Variants in SESTD1 observed in about 807,000 individuals in gnomAD.
SESTD1 encodes the protein SEC14 domain and spectrin repeat-containing protein 1.
A neutral mutation model predicts 101.7 loss-of-function variants in SESTD1; 43 were observed. The observed-to-expected ratio is 0.42, with a 90% CI of 0.33 to 0.55. The LOEUF (loss-of-function observed/expected upper bound fraction) is 0.55, where lower values mean the gene tolerates loss of function less well. Ranked by LOEUF, SESTD1 falls within the 20% of genes least tolerant of loss-of-function variation. The probability of loss-of-function intolerance (pLI) is 0.07; values close to 1 mark genes in which losing one functional copy is unlikely to be tolerated. For missense variants in SESTD1, 647 were observed against 815.1 expected (o/e 0.79, Z 2.51); for synonymous variants, 283 against 286.8 (o/e 0.99, Z 0.13).
intron 2 of SESTD1, among the ~76,000 whole-genome samples, chr2:179,185,655 GCATATACAATA>G (rs2046207798): frequency 1.3e-5 from 1 of 75,454 alleles, no homozygotes; most frequent in South Asian, 4.1e-4. Flanking sequence ...ATACAATATA[GCATATACAATA>G]TATAATATAG....
intron 1 of SESTD1, among the ~76,000 whole-genome samples, chr2:179,243,885 T>C (rs1175163045): frequency 2.6e-5 from 4 of 151,782 alleles, no homozygotes; most frequent in Admixed American, 6.6e-5. Context: ...AAACTACATA[T>C]GTACCCCATG....
At position 179,205,545 on chromosome 2, in the gene SESTD1, T is replaced by A. The variant is rs893384179; in HGVS notation, c.-25-13679A>T. Among the ~76,000 whole-genome samples the A allele has an allele frequency of 3.0e-5, 4 of 135,328 alleles. 1 individual carries two copies. The highest frequency in any genetic ancestry group is 1.2e-4 in the African/African-American group (4 of 34,350). 88.8% of individuals were successfully genotyped at this position (135,328 alleles called of 152,430 possible). On this transcript the variant is annotated intron_variant, in intron 1 of 17. Coordinates refer to ENST00000428443, the MANE Select transcript of SESTD1 (RefSeq NM_178123.5). ...GGCAAACTATGATATCCAGAAGCAA[T>A]CTTCCATTTCATCACTAACTATCTC...
At position 179,196,877 on chromosome 2, in the gene SESTD1, G is replaced by A. The variant is rs578013588; in HGVS notation, c.-25-5011C>T. On this transcript the variant is annotated intron_variant, in intron 1 of 17. Coordinates refer to ENST00000428443, the MANE Select transcript of SESTD1 (RefSeq NM_178123.5). ...TGGGGAAAAAACAGAGAAGAAAAACGGGAAACTCTGAAAAGCAGAGCGCCT... is the reference window on the plus strand; with the variant it reads ...TGGGGAAAAAACAGAGAAGAAAAACAGGAAACTCTGAAAAGCAGAGCGCCT... Among the ~76,000 whole-genome samples the A allele has an allele frequency of 4.3e-4, 66 of 152,258 alleles. No individual in the cohort carries two copies. The Middle Eastern group carries it at 0.017, about 39-fold the overall frequency.
At chr2:179,180,683 A>C (rs2046093132) in intron 3 of SESTD1, among the ~76,000 whole-genome samples, 1 of 152,188 alleles carries the variant, frequency 6.6e-6, no homozygotes, top group Non-Finnish European at 1.5e-5. Context: ...TTTCCTGCAT[A>C]TATGAACATT....
intron 7 of SESTD1, 59 bp downstream of exon 7, chr2:179,149,238 C>A: frequency 1.6e-6 from 2 of 1,228,402 alleles, no homozygotes; most frequent in Non-Finnish European, 2.3e-6. Flanking sequence ...ATAGAGATAT[C>A]TTTTATCAGA....
chr2:179,113,106 T>G (rs2044548587), intron 16 of SESTD1, among the ~76,000 whole-genome samples: 1 of 152,156 alleles, frequency 6.6e-6, no homozygotes, highest in African/African-American at 2.4e-5. Flanking sequence ...CTACTAACAA[T>G]ATGGTGATTT....
At chr2:179,116,109 A>G (rs372232084) in intron 15 of SESTD1, among the ~76,000 whole-genome samples, 3 of 151,994 alleles carry the variant, frequency 2.0e-5, no homozygotes, top group African/African-American at 7.3e-5. Flanking sequence ...CCCCATCTCT[A>G]CTAAAAAGAC....
At chr2:179,176,115 A>G (rs1015430481) in intron 4 of SESTD1, among the ~76,000 whole-genome samples, 2 of 152,332 alleles carry the variant, frequency 1.3e-5, no homozygotes, top group Non-Finnish European at 2.9e-5. Context: ...AGAATGATAC[A>G]GACACCAGAG....
intron 1 of SESTD1, among the ~76,000 whole-genome samples, chr2:179,238,655 T>C (rs1045551483): frequency 8.6e-5 from 13 of 151,710 alleles, no homozygotes; most frequent in African/African-American, 2.9e-4. Context: ...AAAAGGTCAG[T>C]GTTATTTTAT....
At chr2:179,122,488 C>CT (rs959986550) in intron 12 of SESTD1, among the ~76,000 whole-genome samples, 43 of 147,574 alleles carry the variant, frequency 2.9e-4, no homozygotes, top group African/African-American at 4.9e-4. Flanking sequence ...TGTAAAGGAA[C>CT]TTTTTTTTTT....
At position 179,124,514 on chromosome 2, in the gene SESTD1, T is replaced by C; in HGVS notation, c.1017A>G (p.Ala339=). The part of the protein sequence containing the change: ...VYVELNQQIA[A]LLNAGDEEDL... Reference sequence around the variant, plus strand: ...CTTCCTCATCGCCAGCATTCAAGAGTGCTGCAATTTGCTGATTAAGTTCCA... The same window carrying C: ...CTTCCTCATCGCCAGCATTCAAGAGCGCTGCAATTTGCTGATTAAGTTCCA... The change falls in exon 11 of 18, where the codon GCA becomes GCG. Residue 339 remains alanine (A), a synonymous_variant. Coordinates refer to ENST00000428443, the MANE Select transcript of SESTD1 (RefSeq NM_178123.5). 1 of 1,613,970 alleles carries C rather than the reference T, an allele frequency of 6.2e-7. No homozygotes were observed. Among genetic ancestry groups the C allele is most frequent in the South Asian group, 1.1e-5 (1 of 91,060 alleles).
intron 1 of SESTD1, among the ~76,000 whole-genome samples, chr2:179,220,972 C>T (rs868093754): frequency 6.6e-6 from 1 of 152,134 alleles, no homozygotes; most frequent in Non-Finnish European, 1.5e-5. Context: ...CCTAATTCCA[C>T]ATAATTGGCA....
At chr2:179,200,488 A>C (rs1325238611) in intron 1 of SESTD1, among the ~76,000 whole-genome samples, 1 of 152,024 alleles carries the variant, frequency 6.6e-6, no homozygotes, top group African/African-American at 2.4e-5. Flanking sequence ...AAAAGAACAA[A>C]GCTGGAGGCA....
At chr2:179,150,146 G>T (rs1286766138) in intron 6 of SESTD1, among the ~76,000 whole-genome samples, 1 of 152,164 alleles carries the variant, frequency 6.6e-6, no homozygotes, top group African/African-American at 2.4e-5. Context: ...GACTGCTTGA[G>T]CCCAGAAGTT....
At chr2:179,217,791 T>C (rs1451715991) in intron 1 of SESTD1, among the ~76,000 whole-genome samples, 1 of 152,160 alleles carries the variant, frequency 6.6e-6, no homozygotes. Context: ...CATGGAATAC[T>C]ATGCAGCCAT....
chr2:179,106,860 T>A lies in SESTD1; in HGVS notation c.*3039A>T, dbSNP rs542077095. The A allele has an allele frequency of 6.6e-6, 1 of 152,118 alleles. No homozygotes were observed. The highest frequency in any genetic ancestry group is 6.5e-5 in the Admixed American group (1 of 15,274). 9.4% of individuals were successfully genotyped at this position (152,118 alleles called of 1,614,324 possible). On this transcript the variant is annotated 3_prime_UTR_variant, in exon 18 of 18. Coordinates refer to ENST00000428443, the MANE Select transcript of SESTD1 (RefSeq NM_178123.5). Reference sequence around the variant, plus strand: ...AGTCATCATTTTTGCATAACTCTGCTGGGTTAGACATGTGCGAAGAACAGA... The same window carrying A: ...AGTCATCATTTTTGCATAACTCTGCAGGGTTAGACATGTGCGAAGAACAGA...
At chr2:179,197,269 A>G (rs1287419403) in intron 1 of SESTD1, among the ~76,000 whole-genome samples, 1 of 152,210 alleles carries the variant, frequency 6.6e-6, no homozygotes, top group Non-Finnish European at 1.5e-5. Flanking sequence ...AAAAAAAATA[A>G]AAACAAATGA....
chr2:179,196,946 A>G (rs545213775), intron 1 of SESTD1, among the ~76,000 whole-genome samples: 18 of 152,318 alleles, frequency 1.2e-4, no homozygotes, highest in African/African-American at 4.1e-4. Flanking sequence ...CAACGGAACA[A>G]AGCTGGACGG....
At chr2:179,229,751 A>G (rs1038311158) in intron 1 of SESTD1, among the ~76,000 whole-genome samples, 4 of 99,086 alleles carry the variant, frequency 4.0e-5, no homozygotes, top group African/African-American at 1.6e-4. Flanking sequence ...GTAAGAACTT[A>G]TATATATATA....
Sources: gnomAD v4.1 joint callset for allele counts (sites outside exome capture counted in the v4.1 genomes callset) on GRCh38, gnomAD v4.1.1 for gene constraint, MANE v1.5 for transcripts, NCBI Gene and HGNC (gene_info 2026-07-23, HGNC 2026-07-21) for gene names.